Variants in USP46 observed in about 807,000 individuals in gnomAD.
The protein encoded by USP46 is ubiquitin specific peptidase 46, also known as ubiquitin carboxyl-terminal hydrolase 46.
In USP46, 12 loss-of-function variants were observed where a neutral mutation model predicts 44.4. That is an observed-to-expected ratio of 0.27 (90% CI 0.17 to 0.44). USP46 has a LOEUF of 0.44. USP46 is among the 20% of genes least tolerant of loss of function. The probability of loss-of-function intolerance (pLI) is 1.00; values close to 1 mark genes in which losing one functional copy is unlikely to be tolerated. For missense variants in USP46, 248 were observed against 444.8 expected, an observed-to-expected ratio of 0.56 and a Z score of 3.98; for synonymous variants, 155 against 161.5, an observed-to-expected ratio of 0.96 and a Z score of 0.31.
chr4:52,648,409 T>C (rs555073692), intron 1 of USP46, among the ~76,000 whole-genome samples: 2 of 152,164 alleles, frequency 1.3e-5, no homozygotes, highest in Admixed American at 6.5e-5. Flanking sequence ...TAGAAAAGCA[T>C]AAAATTAGCT....
chr4:52,659,214 G>T lies in USP46; in HGVS notation c.-64C>A. On this transcript the variant is annotated 5_prime_UTR_variant, in exon 1 of 9. Transcript: ENST00000441222. This position sits in a 1 kb window ranked among gnomAD's most constrained non-coding sequence, Gnocchi z 4.2. ...ACAAGGGGAAACCGGGACTGCCCAT[G>T]GTGGCGCGCTGGCGGGGAGGCCGGG... The T allele has an allele frequency of 6.8e-7, 1 of 1,466,046 alleles. No homozygotes were observed. The highest frequency in any genetic ancestry group is 9.1e-7 in the Non-Finnish European group (1 of 1,102,394). The allele number at this position is 1,466,046 out of a possible 1,614,324, so 90.8% of individuals were successfully genotyped here.
chr4:52,606,547 C>G (rs938906953), intron 5 of USP46, among the ~76,000 whole-genome samples: 1 of 152,190 alleles, frequency 6.6e-6, no homozygotes, highest in Non-Finnish European at 1.5e-5. Context: ...TTCACTACCA[C>G]GAGAATAGTA....
At chr4:52,630,456 T>C (rs1438382225) in intron 2 of USP46, among the ~76,000 whole-genome samples, 1 of 152,118 alleles carries the variant, frequency 6.6e-6, no homozygotes, top group Non-Finnish European at 1.5e-5. Flanking sequence ...AGGCAGAACA[T>C]ATAAAAGCAG....
At chr4:52,598,331 A>ATTCC (rs1716323653) in intron 8 of USP46, among the ~76,000 whole-genome samples, 1 of 152,218 alleles carries the variant, frequency 6.6e-6, no homozygotes, top group Non-Finnish European at 1.5e-5. Context: ...AGGGGGCTTT[A>ATTCC]GTCATGATAA....
At chr4:52,599,812 C>T (rs1347586518) in intron 7 of USP46, among the ~76,000 whole-genome samples, 9 of 152,168 alleles carry the variant, frequency 5.9e-5, no homozygotes, top group African/African-American at 2.2e-4. Context: ...CTTTCTCCAG[C>T]CTCCTCCAGC....
intron 4 of USP46, among the ~76,000 whole-genome samples, chr4:52,624,270 A>G (rs550803272): frequency 6.6e-6 from 1 of 152,332 alleles, no homozygotes; most frequent in East Asian, 1.9e-4. Context: ...GGAGGGAGAG[A>G]AGAAGAGAAA....
intron 4 of USP46, among the ~76,000 whole-genome samples, chr4:52,612,576 A>G (rs1282236794): frequency 6.6e-6 from 1 of 152,260 alleles, no homozygotes; most frequent in African/African-American, 2.4e-5. Flanking sequence ...CATCACTGTA[A>G]GAAGGATAAC....
chr4:52,601,873 C>T lies in USP46; in HGVS notation c.904G>A (p.Val302Ile). The change falls in exon 7 of 9, where the codon GTC becomes ATC. Residue 302 changes from valine (V) to isoleucine (I), a missense_variant. This residue lies in a region of USP46 where 98 missense variants were observed against 218.2 expected (regional missense o/e 0.45). Coordinates refer to ENST00000441222, the MANE Select transcript of USP46 (RefSeq NM_022832.4). ...TGCCCTTACCTGCCACAGTGAACGA[C>T]CACCGCAACCAAGTCATACATGCGG... ...LDRMYDLVAV[V>I]VHCGSGPNRG... 1 of 1,613,472 alleles carries T rather than the reference C, an allele frequency of 6.2e-7. No homozygotes were observed. Among genetic ancestry groups the T allele is most frequent in the Non-Finnish European group, 8.5e-7 (1 of 1,179,718 alleles).
intron 1 of USP46, among the ~76,000 whole-genome samples, chr4:52,634,445 G>T (rs1718031529): frequency 1.4e-5 from 2 of 145,636 alleles, no homozygotes; most frequent in African/African-American, 5.1e-5. Context: ...GGAGGCGGAG[G>T]TTGCAGTGAG....
intron 1 of USP46, among the ~76,000 whole-genome samples, 192 bp downstream of exon 1, chr4:52,658,923 G>A (rs1318326961): frequency 6.6e-6 from 1 of 151,580 alleles, no homozygotes; most frequent in Admixed American, 6.6e-5. Context: ...GACGGGCGCC[G>A]GGGGCTCGGG....
chr4:52,603,926 C>T (rs1211925676), intron 6 of USP46, among the ~76,000 whole-genome samples: 1 of 152,138 alleles, frequency 6.6e-6, no homozygotes, highest in Non-Finnish European at 1.5e-5. Flanking sequence ...CTCAAATGAT[C>T]GGCCTGTCTT....
intron 4 of USP46, among the ~76,000 whole-genome samples, chr4:52,623,996 A>G (rs1411052393): frequency 6.6e-6 from 1 of 152,224 alleles, no homozygotes; most frequent in Admixed American, 6.5e-5. Context: ...TTTACCATAC[A>G]TGTTAAAGTA....
At position 52,596,010 on chromosome 4, in the gene USP46, T is replaced by C. The variant is rs757652921; in HGVS notation, c.*1630A>G. 3.3e-5 allele frequency: 5 copies of C among 152,634 alleles called. No individual in the cohort carries two copies. The highest frequency in any genetic ancestry group is 1.2e-4 in the African/African-American group (5 of 41,448). The allele number at this position is 152,634 out of a possible 1,614,324, so 9.5% of individuals were successfully genotyped here. On this transcript the variant is annotated 3_prime_UTR_variant, in exon 9 of 9. Coordinates refer to ENST00000441222, the MANE Select transcript of USP46 (RefSeq NM_022832.4). ...AAACAATAACATGAAGATCACCCTG[T>C]TTTGTCTTCTCCAGTGAAAAGTAAA...
At chr4:52,598,438 C>T in intron 8 of USP46, 190 bp downstream of exon 8, 2 of 596,594 alleles carry the variant, frequency 3.4e-6, no homozygotes, top group East Asian at 5.8e-5. Context: ...TCAGTGAGTC[C>T]ATGATCACAC....
At chr4:52,619,495 T>C (rs540011277) in intron 4 of USP46, among the ~76,000 whole-genome samples, 1 of 152,316 alleles carries the variant, frequency 6.6e-6, no homozygotes, top group South Asian at 2.1e-4. Flanking sequence ...TCTTGGCAAT[T>C]CTGACTGAAG....
At chr4:52,656,177 C>A in intron 1 of USP46, 2 of 924,082 alleles carry the variant, frequency 2.2e-6, no homozygotes, top group Non-Finnish European at 3.4e-6. Flanking sequence ...AAAATGCAAT[C>A]ACCATTTGCT....
At chr4:52,608,660 C>G (rs536993923) in intron 5 of USP46, among the ~76,000 whole-genome samples, 2 of 152,226 alleles carry the variant, frequency 1.3e-5, no homozygotes, top group African/African-American at 4.8e-5. Context: ...CTCCACCCCC[C>G]ACTCTCCCTC....
intron 5 of USP46, among the ~76,000 whole-genome samples, chr4:52,606,547 C>T (rs938906953): frequency 6.6e-5 from 10 of 152,072 alleles, no homozygotes; most frequent in Admixed American, 2.0e-4. Flanking sequence ...TTCACTACCA[C>T]GAGAATAGTA....
At chr4:52,611,531 A>G (rs2109608778) in intron 4 of USP46, among the ~76,000 whole-genome samples, 1 of 152,232 alleles carries the variant, frequency 6.6e-6, no homozygotes, top group South Asian at 2.1e-4. Context: ...TATGACCCAA[A>G]ATTCCAGAAG....
Sources: gnomAD v4.1 joint callset for allele counts (sites outside exome capture counted in the v4.1 genomes callset) on GRCh38, gnomAD v4.1.1 for gene constraint, gnomAD v4.1.1 regional missense constraint, Gnocchi (gnomAD v3.1) non-coding constraint, MANE v1.5 for transcripts, NCBI Gene and HGNC (gene_info 2026-07-23, HGNC 2026-07-21) for gene names.